Variants in ULK4 observed in about 807,000 individuals in gnomAD.
The protein encoded by ULK4 is inactive serine/threonine-protein kinase ULK4.
ULK4 carries 133 observed loss-of-function variants against 160.6 expected under a neutral mutation model. The observed-to-expected ratio is 0.83, with a 90% confidence interval of 0.72 to 0.96. ULK4 has a LOEUF of 0.96. Among genes scored for constraint, ULK4 ranks in the 40% least tolerant of loss-of-function variants. The probability of loss-of-function intolerance (pLI) is 0.00; values close to 1 mark genes in which losing one functional copy is unlikely to be tolerated. For synonymous variants in ULK4, 534 were observed against 539.8 expected (o/e 0.99, Z 0.15); for missense variants, 1,580 against 1,499.5 (o/e 1.05, Z -0.89).
intron 34 of ULK4, among the ~76,000 whole-genome samples, chr3:41,440,719 T>G (rs1042367604): frequency 6.6e-6 from 1 of 152,036 alleles, no homozygotes; most frequent in Non-Finnish European, 1.5e-5. Flanking sequence ...TTTTGTAAAT[T>G]TGGTTATTAT....
chr3:41,862,919 C>T (rs2042537011), intron 17 of ULK4, among the ~76,000 whole-genome samples: 3 of 152,050 alleles, frequency 2.0e-5, no homozygotes, highest in Non-Finnish European at 4.4e-5. Context: ...CTGAGAAGTG[C>T]TAGGTCTTAC....
At chr3:41,272,669 T>A (rs1162445719) in intron 35 of ULK4, among the ~76,000 whole-genome samples, 1 of 152,008 alleles carries the variant, frequency 6.6e-6, no homozygotes, top group Non-Finnish European at 1.5e-5. Flanking sequence ...TTTAGAAAAA[T>A]TTCAAGCATT....
At chr3:41,382,582 T>C (rs2081681852) in intron 35 of ULK4, among the ~76,000 whole-genome samples, 1 of 152,138 alleles carries the variant, frequency 6.6e-6, no homozygotes, top group Non-Finnish European at 1.5e-5. Flanking sequence ...AAAAAGAAAC[T>C]CCTGTGTTAT....
intron 32 of ULK4, among the ~76,000 whole-genome samples, chr3:41,468,405 G>A (rs558234794): frequency 6.6e-6 from 1 of 152,224 alleles, no homozygotes; most frequent in East Asian, 1.9e-4. Context: ...AATACAGTAG[G>A]AATCACGACA....
intron 19 of ULK4, among the ~76,000 whole-genome samples, chr3:41,813,214 G>C (rs2125622520): frequency 6.6e-6 from 1 of 152,162 alleles, no homozygotes; most frequent in African/African-American, 2.4e-5. Context: ...TAATACTTAG[G>C]TGATGGGTTG....
intron 35 of ULK4, among the ~76,000 whole-genome samples, chr3:41,259,031 T>C (rs2078894088): frequency 6.7e-6 from 1 of 148,996 alleles, no homozygotes. Context: ...TCTATGTGTA[T>C]ATATACGTAT....
At chr3:41,514,078 A>G (rs2085673096) in intron 32 of ULK4, among the ~76,000 whole-genome samples, 1 of 152,340 alleles carries the variant, frequency 6.6e-6, no homozygotes, top group African/African-American at 2.4e-5. Flanking sequence ...CTGTAAATTT[A>G]TCCTGAACTA....
intron 18 of ULK4, among the ~76,000 whole-genome samples, chr3:41,822,142 C>T (rs537827755): frequency 6.6e-6 from 1 of 152,260 alleles, no homozygotes; most frequent in East Asian, 1.9e-4. Flanking sequence ...GTTCCCCTTG[C>T]TCTTCGGATC....
At chr3:41,762,751 C>T (rs2039030867) in intron 21 of ULK4, among the ~76,000 whole-genome samples, 1 of 150,994 alleles carries the variant, frequency 6.6e-6, no homozygotes, top group Admixed American at 6.6e-5. Context: ...CAAGCTCCGC[C>T]TCCCAGGTTC....
chr3:41,765,221 T>C (rs1390756101), intron 21 of ULK4, among the ~76,000 whole-genome samples: 1 of 152,146 alleles, frequency 6.6e-6, no homozygotes, highest in African/African-American at 2.4e-5. Flanking sequence ...TGGAATACTA[T>C]ACAGCCATAA....
At chr3:41,489,315 GCC>G in intron 32 of ULK4, among the ~76,000 whole-genome samples, 1 of 152,136 alleles carries the variant, frequency 6.6e-6, no homozygotes, top group Non-Finnish European at 1.5e-5. Flanking sequence ...ATTTCTCACT[GCC>G]CTGCTGGATT....
intron 32 of ULK4, among the ~76,000 whole-genome samples, chr3:41,514,953 C>A (rs942631878): frequency 6.6e-6 from 1 of 152,102 alleles, no homozygotes; most frequent in Non-Finnish European, 1.5e-5. Flanking sequence ...TTCTATGAGT[C>A]ACTAAAGAAC....
chr3:41,491,607 C>T (rs1366763240), intron 32 of ULK4, among the ~76,000 whole-genome samples: 1 of 151,886 alleles, frequency 6.6e-6, no homozygotes, highest in African/African-American at 2.4e-5. Flanking sequence ...ATCCTACTCC[C>T]ACAACTTATA....
intron 32 of ULK4, among the ~76,000 whole-genome samples, chr3:41,539,315 G>T (rs185546510): frequency 1.3e-3 from 203 of 152,216 alleles, no homozygotes; most frequent in Non-Finnish European, 1.9e-3. Context: ...CAAGAAAACT[G>T]TATTTGTAAA....
intron 27 of ULK4, among the ~76,000 whole-genome samples, chr3:41,700,965 C>T (rs190058681): frequency 1.3e-5 from 2 of 151,610 alleles, no homozygotes; most frequent in African/African-American, 2.4e-5. Context: ...AGAAACTCAA[C>T]GTGCTATATG....
At chr3:41,942,953 C>A (rs1322863796) in intron 2 of ULK4, among the ~76,000 whole-genome samples, 4 of 151,996 alleles carry the variant, frequency 2.6e-5, no homozygotes, top group African/African-American at 7.3e-5. Context: ...GTGGCTCAGG[C>A]CTGTAATCCC....
chr3:41,385,092 T>C (rs1474079097), intron 35 of ULK4, among the ~76,000 whole-genome samples: 2 of 152,158 alleles, frequency 1.3e-5, no homozygotes, highest in Non-Finnish European at 2.9e-5. Flanking sequence ...ATTAATGATA[T>C]GAAATTGTTA....
intron 22 of ULK4, among the ~76,000 whole-genome samples, chr3:41,733,777 C>T (rs1037033444): frequency 8.5e-5 from 12 of 140,886 alleles, no homozygotes; most frequent in African/African-American, 3.4e-4. Context: ...TCCTGTCTCC[C>T]AGGCTGGAGT....
At position 41,564,651 on chromosome 3, in the gene ULK4, G is replaced by A. The variant is rs574017485; in HGVS notation, c.3226+1374C>T. Among the ~76,000 whole-genome samples the A allele has an allele frequency of 4.0e-5, 6 of 151,810 alleles. No individual in the cohort carries two copies. In the East Asian group the frequency reaches 1.2e-3, roughly 30 times the overall value. On this transcript the variant is annotated intron_variant, in intron 32 of 36. Transcript: ENST00000301831. The stretch of plus-strand genomic sequence containing the variant: ...TTTTTCTATTTTTAGTAGAGATGGG[G>A]TTTTACCACGTTGGCCAGGCTGGCC...
Sources: gnomAD v4.1 joint callset for allele counts (sites outside exome capture counted in the v4.1 genomes callset) on GRCh38, gnomAD v4.1.1 for gene constraint, MANE v1.5 for transcripts, NCBI Gene and HGNC (gene_info 2026-07-23, HGNC 2026-07-21) for gene names.